Variants in NOL7 observed in about 807,000 individuals in gnomAD.
NOL7 encodes the protein nucleolar protein 7.
A neutral mutation model predicts 38.4 loss-of-function variants in NOL7; 36 were observed. The observed-to-expected ratio is 0.94, with a 90% CI of 0.72 to 1.24. The LOEUF is 1.24. Among genes scored for constraint, NOL7 ranks in the 50% most tolerant of loss-of-function variants. NOL7 has a pLI of 0.00. For missense variants in NOL7, 350 were observed against 315.1 expected, an observed-to-expected ratio of 1.11 and a Z score of -0.84; for synonymous variants, 142 against 126.5, an observed-to-expected ratio of 1.12 and a Z score of -0.82.
chr6:13,622,142 ACT>A (rs908719184), downstream of NOL7: 4 of 347,450 alleles, frequency 1.2e-5, no homozygotes, highest in Admixed American at 4.9e-5. Flanking sequence ...GTAATATTTA[ACT>A]CTTAGACAAC....
Position 13,615,340 on chromosome 6 carries a change from G to C in NOL7, c.-19G>C. 1 of 1,471,264 alleles carries C rather than the reference G, an allele frequency of 6.8e-7. No individual in the cohort carries two copies. Among genetic ancestry groups the C allele is most frequent in the Non-Finnish European group, 8.9e-7 (1 of 1,117,478 alleles). The allele number at this position is 1,471,264 out of a possible 1,614,324, so 91.1% of individuals were successfully genotyped here. A position where few individuals can be genotyped will look rare whatever the true frequency, so the allele number is the denominator to read the frequency against. On this transcript the variant is annotated 5_prime_UTR_variant, in exon 1 of 8. Coordinates refer to ENST00000451315, the MANE Select transcript of NOL7 (RefSeq NM_016167.5). ...CTGCTTCCGGGTCAGAGGTCAGACG[G>C]TCTAGCGCTGCGTGGGCCATGGTGC...
Position 13,620,499 on chromosome 6 carries a change from T to G in NOL7, c.700+14T>G. The G allele has an allele frequency of 6.2e-7, 1 of 1,607,382 alleles. No individual in the cohort carries two copies. Among genetic ancestry groups the G allele is most frequent in the Non-Finnish European group, 8.5e-7 (1 of 1,174,258 alleles). On this transcript the variant is annotated intron_variant, in intron 7 of 7. Transcript: ENST00000451315. ...ATAATGCTTGGGGTAAGATCCAGCT[T>G]TATTCTCCTGTCTCTAATAGCTTTA... is the stretch of plus-strand genomic sequence containing the variant.
intron 5 of NOL7, among the ~76,000 whole-genome samples, chr6:13,618,539 G>T (rs368299357): frequency 4.6e-5 from 7 of 152,138 alleles, no homozygotes; most frequent in African/African-American, 1.2e-4. Context: ...GAGCCACCGC[G>T]CCCGGCCGGG....
At chr6:13,616,583 G>T in intron 3 of NOL7, 62 bp downstream of exon 3, 1 of 1,100,926 alleles carries the variant, frequency 9.1e-7, no homozygotes, top group Non-Finnish European at 1.3e-6. Flanking sequence ...TTATATACTG[G>T]TACATTTATT....
At chr6:13,618,362 C>T (rs1436524924) in intron 5 of NOL7, 1 of 177,340 alleles carries the variant, frequency 5.6e-6, no homozygotes, top group Non-Finnish European at 1.2e-5. Flanking sequence ...ATTCTCCTGC[C>T]TCAGCCTCCC....
At chr6:13,617,370 CCT>C (rs1418655848) in intron 3 of NOL7, among the ~76,000 whole-genome samples, 1 of 152,172 alleles carries the variant, frequency 6.6e-6, no homozygotes, top group Non-Finnish European at 1.5e-5. Context: ...GAGGCTGTTC[CCT>C]GTCTCCTGTG....
At chr6:13,625,723 G>A (rs1367779719), downstream of NOL7, 12 of 1,612,838 alleles carry the variant, frequency 7.4e-6, no homozygotes, top group East Asian at 2.2e-4. Flanking sequence ...TTCCAACTGG[G>A]CTGTTCCAGG....
Position 13,618,093 on chromosome 6 carries a change from G to A in NOL7, c.454G>A (p.Gly152Arg). Residue 152 changes from glycine to arginine, a missense_variant, in exon 5 of 8, where the codon GGA becomes AGA. Physicochemically the swap from Gly to Arg is moderately radical, Grantham distance 125 (BLOSUM62 -2). Transcript: ENST00000451315. ...AAAGAAAAATGAAGACTGTGAAAAA[G>A]GAAATGACTCCAAGAAAGTTAAAGT... is the stretch of plus-strand genomic sequence containing the variant. Reference protein sequence around the residue: ...LQKKNEDCEKGNDSKKVKVQK... With the variant: ...LQKKNEDCEKRNDSKKVKVQK... The A allele has an allele frequency of 1.3e-6, 2 of 1,586,794 alleles. No individual in the cohort carries two copies. Among genetic ancestry groups the A allele is most frequent in the Non-Finnish European group, 1.7e-6 (2 of 1,157,626 alleles).
At chr6:13,619,567 G>A (rs1764380187) in intron 5 of NOL7, among the ~76,000 whole-genome samples, 1 of 152,210 alleles carries the variant, frequency 6.6e-6, no homozygotes, top group Admixed American at 6.5e-5. Context: ...TGGCACAATC[G>A]ATTTGGAAAT....
At chr6:13,618,531 G>A (rs1356237477) in intron 5 of NOL7, among the ~76,000 whole-genome samples, 2 of 152,176 alleles carry the variant, frequency 1.3e-5, no homozygotes, top group African/African-American at 4.8e-5. Context: ...ACAGGCGTGA[G>A]CCACCGCGCC....
At position 13,620,900 on chromosome 6, in the gene NOL7, A is replaced by AAAG; in HGVS notation, c.*74_*76dup. On this transcript the variant is annotated 3_prime_UTR_variant, in exon 8 of 8. Coordinates refer to ENST00000451315, the MANE Select transcript of NOL7 (RefSeq NM_016167.5). ...TAATAAATCATTCATAGATCATTTT[A>AAAG]AAGGATCATTATAAAAATCATAAAC... The AAAG allele has an allele frequency of 1.1e-6, 1 of 919,990 alleles. No homozygotes were observed. The highest frequency in any genetic ancestry group is 2.8e-5 in the Admixed American group (1 of 36,014). The allele number at this position is 919,990 out of a possible 1,614,324, so 57.0% of individuals were successfully genotyped here. A position where few individuals can be genotyped will look rare whatever the true frequency, so the allele number is the denominator to read the frequency against.
intron 8 of NOL7, among the ~76,000 whole-genome samples, chr6:13,627,915 C>T (rs922236517): frequency 2.6e-5 from 4 of 152,062 alleles, no homozygotes; most frequent in Non-Finnish European, 4.4e-5. Flanking sequence ...ACCACCATGG[C>T]ACACGTTTAC....
downstream of NOL7, chr6:13,625,768 T>C: frequency 1.3e-6 from 2 of 1,568,144 alleles, no homozygotes; most frequent in Non-Finnish European, 1.8e-6. Flanking sequence ...ATGCATCCTG[T>C]TGAAAACACA....
In NOL7 at chr6:13,620,346, C is replaced by G. The variant is rs761062919; in HGVS notation, c.622+17C>G. ...GGACTACTGGTAATTTTTTTATGGA[C>G]TATTTTTCTCACTTTTTACTGCAAA... is the stretch of plus-strand genomic sequence containing the variant. On this transcript the variant is annotated intron_variant, in intron 6 of 7. Coordinates refer to ENST00000451315, the MANE Select transcript of NOL7 (RefSeq NM_016167.5). The G allele has an allele frequency of 6.2e-7, 1 of 1,613,750 alleles. No homozygotes were observed. The highest frequency in any genetic ancestry group is 1.1e-5 in the South Asian group (1 of 91,062).
In NOL7 at chr6:13,616,014, C is replaced by T. The variant is rs538654402; in HGVS notation, c.327+242C>T. 2.0e-4 allele frequency among the ~76,000 whole-genome samples: 30 copies of T among 152,016 alleles called. No homozygotes were observed. In the South Asian group the frequency reaches 6.2e-3, roughly 32 times the overall value. On this transcript the variant is annotated intron_variant, in intron 2 of 7. Coordinates refer to ENST00000451315, the MANE Select transcript of NOL7 (RefSeq NM_016167.5). ...TCACACCACTGCGCTCCAGCCTGGG[C>T]GACAGAGCGAGACCCTGTCTCAAAA...
Position 13,615,446 on chromosome 6 carries a change from G to A in NOL7, c.88G>A (p.Glu30Lys), listed in dbSNP as rs1764248989. 3 of 1,549,804 alleles carry A rather than the reference G, an allele frequency of 1.9e-6. No homozygotes were observed. The highest frequency in any genetic ancestry group is 1.7e-6 in the Non-Finnish European group (2 of 1,146,776). The change falls in exon 1 of 8, where the codon GAG becomes AAG. Residue 30 changes from glutamate to lysine, a missense_variant. By Grantham distance (56) the Glu-to-Lys change is moderately conservative. Coordinates refer to ENST00000451315, the MANE Select transcript of NOL7 (RefSeq NM_016167.5). The stretch of plus-strand genomic sequence containing the variant: ...GGGCCAGCTGGCCTCGGAGGAGGAG[G>A]AGGCGGAGCACGGGCTGTTGCTCGG... ...DEGQLASEEE[E>K]AEHGLLLGQP... is the part of the protein sequence containing the mutation.
intron 8 of NOL7, among the ~76,000 whole-genome samples, chr6:13,630,173 A>G (rs182977592): frequency 2.1e-4 from 32 of 152,242 alleles, no homozygotes; most frequent in Admixed American, 5.9e-4. Flanking sequence ...CTAGATCAAG[A>G]TAAGTTTGGG....
At chr6:13,616,067 A>G (rs2127753486) in intron 2 of NOL7, among the ~76,000 whole-genome samples, 1 of 152,304 alleles carries the variant, frequency 6.6e-6, no homozygotes, top group East Asian at 1.9e-4. Flanking sequence ...TTTAGTGTCC[A>G]CCAACTGAAA....
intron 8 of NOL7, among the ~76,000 whole-genome samples, chr6:13,627,630 C>CAAA (rs35401168): frequency 1.1e-3 from 71 of 66,356 alleles, no homozygotes; most frequent in African/African-American, 3.5e-3. Flanking sequence ...ACTCCATCTC[C>CAAA]AAAAAAAAAA....
Sources: gnomAD v4.1 joint callset for allele counts (sites outside exome capture counted in the v4.1 genomes callset) on GRCh38, gnomAD v4.1.1 for gene constraint, MANE v1.5 for transcripts, NCBI Gene and HGNC (gene_info 2026-07-23, HGNC 2026-07-21) for gene names.